The following TMC2 variants were observed in gnomAD, a reference collection of about 807,000 sequenced individuals.
The protein encoded by TMC2 is transmembrane channel-like protein 2.
In TMC2, 102 loss-of-function variants were observed where a neutral mutation model predicts 105.9. The observed-to-expected ratio is 0.96, with a 90% CI of 0.82 to 1.14. The LOEUF is 1.14. TMC2 is among the 50% of genes most tolerant of loss of function. The pLI is 0.00. For missense variants in TMC2, 1,093 were observed against 1,134.3 expected, an observed-to-expected ratio of 0.96 and a Z score of 0.52; for synonymous variants, 402 against 422.8, an observed-to-expected ratio of 0.95 and a Z score of 0.60.
chr20:2,604,113 G>A (rs1332926608), intron 11 of TMC2, among the ~76,000 whole-genome samples: 1 of 152,222 alleles, frequency 6.6e-6, no homozygotes, highest in Non-Finnish European at 1.5e-5. Flanking sequence ...GCCAGCAGAA[G>A]TGGGCATCGC....
At chr20:2,584,555 A>G (rs2086219558) in intron 7 of TMC2, among the ~76,000 whole-genome samples, 3 of 152,072 alleles carry the variant, frequency 2.0e-5, no homozygotes, top group Admixed American at 1.3e-4. Flanking sequence ...ATTTTCCCCA[A>G]TTTTATTACC....
At chr20:2,551,591 G>C (rs2085957220) in intron 2 of TMC2, among the ~76,000 whole-genome samples, 1 of 151,924 alleles carries the variant, frequency 6.6e-6, no homozygotes, top group Non-Finnish European at 1.5e-5. Context: ...GGCCATTGCA[G>C]TTTTCTCCTT....
chr20:2,593,021 C>A (rs2086280146), intron 8 of TMC2, among the ~76,000 whole-genome samples: 2 of 152,192 alleles, frequency 1.3e-5, no homozygotes, highest in Non-Finnish European at 2.9e-5. Context: ...CATGTTCACA[C>A]TACTACCTGA....
At position 2,624,287 on chromosome 20, in the gene TMC2, T is replaced by C. The variant is rs1333814330; in HGVS notation, c.2197T>C (p.Tyr733His). Reference sequence around the variant, plus strand: ...TTTTTCCAGTGGGAAAAACAGAATGTACGATGTCCTCCAAGAGACCATTGA... The same window carrying C: ...TTTTTCCAGTGGGAAAAACAGAATGCACGATGTCCTCCAAGAGACCATTGA... ...CGPFSGKNRM[Y>H]DVLQETIEND... is the part of the protein sequence containing the mutation. Residue 733 changes from tyrosine (Y) to histidine (H), a missense_variant, in exon 17 of 20, where the codon TAC (tyrosine) becomes CAC (histidine). Physicochemically the swap from Tyr to His is moderately conservative, Grantham distance 83 (BLOSUM62 2). Transcript: ENST00000358864. 6.2e-7 allele frequency: 1 copy of C among 1,614,166 alleles called. No homozygotes were observed. Among genetic ancestry groups the C allele is most frequent in the South Asian group, 1.1e-5 (1 of 91,076 alleles).
chr20:2,553,103 T>C (rs144685503), intron 2 of TMC2, among the ~76,000 whole-genome samples: 132 of 152,368 alleles, frequency 8.7e-4, no homozygotes, highest in African/African-American at 3.1e-3. Flanking sequence ...CCTTTTATTA[T>C]CTTACTGCAT....
intron 8 of TMC2, among the ~76,000 whole-genome samples, chr20:2,593,167 G>T (rs889592024): frequency 1.3e-5 from 2 of 152,132 alleles, no homozygotes; most frequent in African/African-American, 4.8e-5. Context: ...AGAAGACAGA[G>T]AGCACAGGGG....
chr20:2,542,623 T>C (rs960674359), intron 2 of TMC2, among the ~76,000 whole-genome samples: 4 of 152,016 alleles, frequency 2.6e-5, no homozygotes, highest in African/African-American at 9.7e-5. Context: ...GTGAAGCATT[T>C]CCAACAATCC....
chr20:2,594,225 C>CTTTTTTTTTTTTTTTTTTTTTTTT (rs565664102), intron 8 of TMC2, among the ~76,000 whole-genome samples: 3 of 113,760 alleles, frequency 2.6e-5, no homozygotes, highest in African/African-American at 9.6e-5. Flanking sequence ...CTAAGGATTC[C>CTTTTTTTTTTTTTTTTTTTTTTTT]TTTTTTTTTT....
intron 6 of TMC2, among the ~76,000 whole-genome samples, 157 bp downstream of exon 6, chr20:2,579,384 TTTTA>T (rs140358031): frequency 0.035 from 5,163 of 147,216 alleles, 111 homozygotes; most frequent in African/African-American, 0.041. Flanking sequence ...AAGATTTATT[TTTTA>T]TTTATTTATT....
intron 19 of TMC2, among the ~76,000 whole-genome samples, chr20:2,638,529 G>A (rs925370451): frequency 1.3e-5 from 2 of 151,604 alleles, no homozygotes; most frequent in African/African-American, 4.8e-5. Flanking sequence ...GCCTCAGGCA[G>A]GTCCTTCAGG....
intron 17 of TMC2, among the ~76,000 whole-genome samples, chr20:2,630,568 T>G (rs553894516): frequency 6.6e-6 from 1 of 152,296 alleles, no homozygotes; most frequent in East Asian, 1.9e-4. Flanking sequence ...ATGCTGGTAA[T>G]ACCAGCACTT....
At chr20:2,582,304 C>T (rs1412894883) in intron 7 of TMC2, among the ~76,000 whole-genome samples, 1 of 152,042 alleles carries the variant, frequency 6.6e-6, no homozygotes, top group Non-Finnish European at 1.5e-5. Flanking sequence ...AAGGAAGTGT[C>T]CTGTTGGTCA....
At chr20:2,589,620 A>G (rs1408270127) in intron 7 of TMC2, among the ~76,000 whole-genome samples, 1 of 152,092 alleles carries the variant, frequency 6.6e-6, no homozygotes, top group African/African-American at 2.4e-5. Flanking sequence ...GTTCTCAGTG[A>G]AAGAGTTTGT....
intron 11 of TMC2, among the ~76,000 whole-genome samples, chr20:2,608,301 T>TTATTATTAG (rs1555775767): frequency 4.0e-4 from 5 of 12,476 alleles, no homozygotes; most frequent in African/African-American, 1.1e-3. Flanking sequence ...TTATTTTTAT[T>TTATTATTAG]TATTATTATT....
intron 4 of TMC2, among the ~76,000 whole-genome samples, chr20:2,563,853 A>G: frequency 6.6e-6 from 1 of 152,068 alleles, no homozygotes. Flanking sequence ...CAACCTCTCC[A>G]GTGGCTGGGA....
chr20:2,642,895 G>A lies in TMC2; in HGVS notation c.*1544G>A, dbSNP rs2086698297. On this transcript the variant is annotated 3_prime_UTR_variant, in exon 20 of 20. Coordinates refer to ENST00000358864, the MANE Select transcript of TMC2 (RefSeq NM_080751.3). ...AGCCACCACCCAACCAGGCCCCCAG[G>A]GGTTCTCAGGAGAATCCCCCAGACT... 6.6e-6 allele frequency among the ~76,000 whole-genome samples: 1 copy of A among 151,870 alleles called. No homozygotes were observed.
Position 2,643,362 on chromosome 20 carries a change from A to G in TMC2, c.*2011A>G, listed in dbSNP as rs555139870. On this transcript the variant is annotated 3_prime_UTR_variant, in exon 20 of 20. Transcript: ENST00000358864. ...CAGAATGCCAGGCCCTGAGGCAGGG[A>G]ACACTCTGCCTGCCTGAGCCATTGG... 6.6e-6 allele frequency among the ~76,000 whole-genome samples: 1 copy of G among 152,194 alleles called. No individual in the cohort carries two copies. The highest frequency in any genetic ancestry group is 1.5e-5 in the Non-Finnish European group (1 of 68,046).
At position 2,613,218 on chromosome 20, in the gene TMC2, G is replaced by A. The variant is rs767021450; in HGVS notation, c.1768G>A (p.Asp590Asn). 2.2e-5 allele frequency: 36 copies of A among 1,613,726 alleles called. 1 individual carries two copies. In the Admixed American group the frequency reaches 5.2e-4, roughly 23 times the overall value. Reference protein sequence around the residue: ...GIEFMRLTVSDMLVTYITILL... With the variant: ...GIEFMRLTVSNMLVTYITILL... Reference sequence around the variant, plus strand: ...GGAATTCATGAGGCTGACGGTGTCTGACATGCTGGTAACGTACATCACCAT... The same window carrying A: ...GGAATTCATGAGGCTGACGGTGTCTAACATGCTGGTAACGTACATCACCAT... Residue 590 changes from aspartate to asparagine, a missense_variant, in exon 14 of 20, where the codon GAC becomes AAC. Asp to Asn is a conservative substitution (Grantham distance 23). Coordinates refer to ENST00000358864, the MANE Select transcript of TMC2 (RefSeq NM_080751.3).
chr20:2,603,067 T>C (rs1297463027), intron 11 of TMC2, among the ~76,000 whole-genome samples: 1 of 152,232 alleles, frequency 6.6e-6, no homozygotes, highest in Non-Finnish European at 1.5e-5. Flanking sequence ...ACCTTCGTCA[T>C]GTGAATAATC....
Sources: allele counts gnomAD v4.1 joint callset (sites outside exome capture counted in the v4.1 genomes callset), GRCh38; gene constraint gnomAD v4.1.1; transcripts MANE v1.5; gene names NCBI Gene and HGNC (gene_info 2026-07-23, HGNC 2026-07-21).